Variants in IL1RAPL1 observed in about 807,000 individuals in gnomAD.
IL1RAPL1 encodes the protein interleukin-1 receptor accessory protein-like 1.
Under a neutral mutation model 48.4 loss-of-function variants are expected in IL1RAPL1, and 3 were observed. That is an observed-to-expected ratio of 0.06 (90% CI 0.03 to 0.16). The LOEUF (loss-of-function observed/expected upper bound fraction) is 0.16, where lower values mean the gene tolerates loss of function less well. IL1RAPL1 is among the 10% of genes least tolerant of loss of function. The pLI, the probability that IL1RAPL1 is intolerant of heterozygous loss-of-function variation, is 1.00. For missense variants in IL1RAPL1, 349 were observed against 530.6 expected (o/e 0.66, Z 3.36); for synonymous variants, 185 against 187.7 (o/e 0.99, Z 0.12).
At chrX:29,193,854 G>A (rs1429751779) in intron 2 of IL1RAPL1, among the ~76,000 whole-genome samples, 5 of 111,827 alleles carry the variant, frequency 4.5e-5, no homozygotes, top group African/African-American at 1.6e-4. Flanking sequence ...TATTGTACTA[G>A]GGTTACATGT....
intron 2 of IL1RAPL1, among the ~76,000 whole-genome samples, chrX:29,242,041 C>T (rs968957281): frequency 1.8e-5 from 2 of 111,587 alleles, no homozygotes; most frequent in African/African-American, 6.5e-5. Context: ...GTCAAGAAGC[C>T]GGTTAGTTAC....
At chrX:29,011,959 A>G (rs1284645492) in intron 2 of IL1RAPL1, among the ~76,000 whole-genome samples, 4 of 112,267 alleles carry the variant, frequency 3.6e-5, no homozygotes, top group African/African-American at 1.3e-4. Flanking sequence ...ATGATGTCCT[A>G]TAATCTATAA....
At chrX:28,897,759 G>A (rs1284794030) in intron 2 of IL1RAPL1, among the ~76,000 whole-genome samples, 2 of 112,265 alleles carry the variant, frequency 1.8e-5, no homozygotes, top group South Asian at 3.7e-4. Flanking sequence ...TTTTGTGTGA[G>A]CAATAAAGCT....
intron 6 of IL1RAPL1, among the ~76,000 whole-genome samples, chrX:29,678,874 T>C (rs965926476): frequency 1.8e-5 from 2 of 109,558 alleles, no homozygotes; most frequent in Admixed American, 2.0e-4. Context: ...AGATCTGGTC[T>C]ACAACAAGCA....
At chrX:29,239,919 A>ATCCT (rs1409337696) in intron 2 of IL1RAPL1, among the ~76,000 whole-genome samples, 1 of 108,297 alleles carries the variant, frequency 9.2e-6, no homozygotes, top group Non-Finnish European at 1.9e-5. Context: ...CATTTTTCTC[A>ATCCT]TCCTTCTTCA....
At chrX:28,659,111 A>C in intron 1 of IL1RAPL1, 1 of 677,423 alleles carries the variant, frequency 1.5e-6, no homozygotes, top group Non-Finnish European at 2.4e-6. Context: ...GTCTTTTGGC[A>C]TAATTGTTAC....
intron 1 of IL1RAPL1, chrX:28,659,441 T>C: frequency 1.9e-6 from 1 of 525,675 alleles, no homozygotes; most frequent in East Asian, 3.6e-5. Context: ...ACCAGTCGAT[T>C]TGCGGGAAGT....
intron 2 of IL1RAPL1, among the ~76,000 whole-genome samples, chrX:28,879,499 A>G (rs1290489894): frequency 2.7e-5 from 3 of 111,637 alleles, no homozygotes; most frequent in African/African-American, 9.7e-5. Flanking sequence ...ATTAATTTAC[A>G]TTTGGTCAGG....
At chrX:28,785,086 A>G (rs1936461155) in intron 1 of IL1RAPL1, among the ~76,000 whole-genome samples, 1 of 111,971 alleles carries the variant, frequency 8.9e-6, no homozygotes, top group Non-Finnish European at 1.9e-5. Flanking sequence ...CTATTTGTGT[A>G]ATGAAAAGAC....
At chrX:29,337,364 T>A (rs1933010164) in intron 3 of IL1RAPL1, among the ~76,000 whole-genome samples, 1 of 111,944 alleles carries the variant, frequency 8.9e-6, no homozygotes, top group South Asian at 3.7e-4. Context: ...GTCTAAGAGA[T>A]AAAAGAGTAT....
chrX:29,479,650 C>A (rs759149822), intron 5 of IL1RAPL1, among the ~76,000 whole-genome samples: 3 of 109,214 alleles, frequency 2.7e-5, no homozygotes, highest in Admixed American at 2.0e-4. Flanking sequence ...ATAATGTAGT[C>A]TTTTATCCCT....
At chrX:29,069,704 A>G (rs183626122) in intron 2 of IL1RAPL1, among the ~76,000 whole-genome samples, 2 of 108,400 alleles carry the variant, frequency 1.8e-5, no homozygotes, top group Admixed American at 2.0e-4. Flanking sequence ...TTTTCAGAGA[A>G]ATCTATGCAT....
At chrX:28,802,078 A>C (rs1936682194) in intron 2 of IL1RAPL1, among the ~76,000 whole-genome samples, 1 of 112,093 alleles carries the variant, frequency 8.9e-6, no homozygotes, top group South Asian at 3.7e-4. Context: ...TGTGCTATAC[A>C]GTTTGAGTCA....
At chrX:29,136,202 A>C (rs1021513299) in intron 2 of IL1RAPL1, among the ~76,000 whole-genome samples, 3 of 101,053 alleles carry the variant, frequency 3.0e-5, no homozygotes, top group Admixed American at 2.3e-4. Context: ...ATCTTGGCTC[A>C]CCACAACCTC....
chrX:29,045,944 C>T (rs1157924585), intron 2 of IL1RAPL1, among the ~76,000 whole-genome samples: 1 of 18,243 alleles, frequency 5.5e-5, no homozygotes, highest in Non-Finnish European at 7.5e-5. Flanking sequence ...CTCCTTCTTC[C>T]TCCTCCTCCT....
At chrX:29,230,171 C>T (rs1931163670) in intron 2 of IL1RAPL1, among the ~76,000 whole-genome samples, 1 of 110,731 alleles carries the variant, frequency 9.0e-6, no homozygotes, top group African/African-American at 3.3e-5. Context: ...TAAAGACAGC[C>T]TCATTTATGG....
chrX:28,862,181 A>G (rs1487224751), intron 2 of IL1RAPL1, among the ~76,000 whole-genome samples: 1 of 112,220 alleles, frequency 8.9e-6, no homozygotes, highest in Admixed American at 9.4e-5. Context: ...ATATTCTTTA[A>G]AACATTCATA....
intron 5 of IL1RAPL1, among the ~76,000 whole-genome samples, chrX:29,506,327 G>A (rs1391558136): frequency 9.0e-6 from 1 of 111,640 alleles, no homozygotes; most frequent in African/African-American, 3.3e-5. Context: ...TTAAGGATCA[G>A]TTATTTATTC....
At chrX:28,995,737 C>T (rs181066149) in intron 2 of IL1RAPL1, among the ~76,000 whole-genome samples, 50 of 110,853 alleles carry the variant, frequency 4.5e-4, no homozygotes, top group African/African-American at 1.4e-3. Flanking sequence ...GATCTTCTTT[C>T]TCTTCTCAGG....
Sources: gnomAD v4.1 joint callset for allele counts (sites outside exome capture counted in the v4.1 genomes callset) on GRCh38, gnomAD v4.1.1 for gene constraint, MANE v1.5 for transcripts, NCBI Gene and HGNC (gene_info 2026-07-23, HGNC 2026-07-21) for gene names.